Variants in PCDHGB4 observed in about 807,000 individuals in gnomAD.
The protein encoded by PCDHGB4 is protocadherin gamma-B4.
Under a neutral mutation model 60.5 loss-of-function variants are expected in PCDHGB4, and 38 were observed. The observed-to-expected ratio is 0.63, with a 90% CI of 0.48 to 0.82. The LOEUF is 0.82. PCDHGB4 is among the 40% of genes least tolerant of loss of function. The pLI, the probability that PCDHGB4 is intolerant of heterozygous loss-of-function variation, is 0.00. For synonymous variants in PCDHGB4, 456 were observed against 509.7 expected (o/e 0.89, Z 1.42); for missense variants, 1,109 against 1,209.6 (o/e 0.92, Z 1.23).
intron 1 of PCDHGB4, chr5:141,414,601 T>A: frequency 6.2e-7 from 1 of 1,613,944 alleles, no homozygotes; most frequent in Non-Finnish European, 8.5e-7. Flanking sequence ...TGCCTCCATC[T>A]TCTCAGTGAC....
Position 141,427,801 on chromosome 5 carries a change from G to T in PCDHGB4, c.2397+37520G>T, listed in dbSNP as rs755067099. On this transcript the variant is annotated intron_variant, in intron 1 of 3. Coordinates refer to ENST00000519479, the MANE Select transcript of PCDHGB4 (RefSeq NM_003736.4). ...GCACTGTCGTCCTACGTGTCCGTGA[G>T]CGCACAGAGCGGGGTGGTGGTCGCG... 6 of 1,510,138 alleles carry T rather than the reference G, an allele frequency of 4.0e-6. No homozygotes were observed. In the African/African-American group the frequency reaches 8.2e-5, roughly 21 times the overall value. 93.5% of individuals were successfully genotyped at this position (1,510,138 alleles called of 1,614,324 possible). A position where few individuals can be genotyped will look rare whatever the true frequency, so the allele number is the denominator to read the frequency against.
chr5:141,470,972 C>T (rs1186771156), intron 1 of PCDHGB4, among the ~76,000 whole-genome samples: 3 of 151,988 alleles, frequency 2.0e-5, no homozygotes, highest in Non-Finnish European at 4.4e-5. Flanking sequence ...CCACCTCAGC[C>T]TCCCAAAGTG....
At chr5:141,466,993 T>G (rs2099133598) in intron 1 of PCDHGB4, among the ~76,000 whole-genome samples, 1 of 152,148 alleles carries the variant, frequency 6.6e-6, no homozygotes, top group African/African-American at 2.4e-5. Context: ...CCTTTTGGCA[T>G]TTTTTTGCAA....
intron 1 of PCDHGB4, chr5:141,412,489 T>C (rs1292155082): frequency 6.6e-6 from 1 of 152,176 alleles, no homozygotes; most frequent in East Asian, 1.9e-4. Context: ...TCTTACACAA[T>C]CCTAAGCTAA....
intron 1 of PCDHGB4, among the ~76,000 whole-genome samples, chr5:141,492,482 A>G (rs1339196127): frequency 6.6e-6 from 1 of 152,182 alleles, no homozygotes; most frequent in Non-Finnish European, 1.5e-5. Context: ...GCGGCCGCCC[A>G]GGACCAGGCG....
chr5:141,434,506 T>C (rs2154556236), intron 1 of PCDHGB4, among the ~76,000 whole-genome samples: 2 of 152,344 alleles, frequency 1.3e-5, no homozygotes, highest in East Asian at 3.9e-4. Context: ...GGCAGAAAAC[T>C]GCTTAAAGGT....
At chr5:141,427,484 T>C (rs766997973) in intron 1 of PCDHGB4, 7 of 539,726 alleles carry the variant, frequency 1.3e-5, no homozygotes, top group Non-Finnish European at 2.5e-5. Context: ...ATAATGACTA[T>C]AAGCTTGTAA....
intron 1 of PCDHGB4, chr5:141,478,608 G>C (rs751033009): frequency 7.7e-6 from 12 of 1,558,942 alleles, no homozygotes; most frequent in Middle Eastern, 1.7e-4. Context: ...ATCATATTGA[G>C]GAAGGAATGG....
intron 1 of PCDHGB4, chr5:141,393,077 C>T (rs2150506328): frequency 6.2e-7 from 1 of 1,613,710 alleles, no homozygotes; most frequent in Non-Finnish European, 8.5e-7. Flanking sequence ...TCACCGCGGG[C>T]AGGATAGATC....
chr5:141,484,266 T>G (rs2099593967), intron 1 of PCDHGB4, among the ~76,000 whole-genome samples: 1 of 152,220 alleles, frequency 6.6e-6, no homozygotes, highest in Non-Finnish European at 1.5e-5. Flanking sequence ...ACACTGATTC[T>G]TTACTGTTTT....
intron 1 of PCDHGB4, chr5:141,414,308 T>C: frequency 6.2e-7 from 1 of 1,613,764 alleles, no homozygotes; most frequent in Non-Finnish European, 8.5e-7. Context: ...GTGCATGATT[T>C]AGACTCTGAG....
intron 1 of PCDHGB4, chr5:141,391,548 C>T (rs1045663791): frequency 6.6e-6 from 1 of 152,106 alleles, no homozygotes; most frequent in African/African-American, 2.4e-5. Flanking sequence ...ATTGTCTACC[C>T]AGTTTTCCAT....
intron 1 of PCDHGB4, chr5:141,422,736 C>T (rs1408210168): frequency 9.9e-6 from 16 of 1,608,328 alleles, no homozygotes; most frequent in Non-Finnish European, 1.2e-5. Context: ...TGCCTCTGTC[C>T]TCCTATGTCT....
intron 1 of PCDHGB4, chr5:141,428,501 C>A (rs970043746): frequency 8.4e-5 from 24 of 285,544 alleles, no homozygotes; most frequent in African/African-American, 3.9e-4. Context: ...TATGTTCCCT[C>A]GGATTCTAGA....
chr5:141,456,275 G>A (rs1234663731), intron 1 of PCDHGB4, among the ~76,000 whole-genome samples: 1 of 152,142 alleles, frequency 6.6e-6, no homozygotes, highest in Non-Finnish European at 1.5e-5. Flanking sequence ...GCTACTTCCT[G>A]CTGAAAAGGG....
rs1054012796 is a variant in PCDHGB4 at position 141,420,071 on chromosome 5, G to C, written c.2397+29790G>C. The C allele has an allele frequency of 6.2e-7, 1 of 1,614,050 alleles. No individual in the cohort carries two copies. On this transcript the variant is annotated intron_variant, in intron 1 of 3. Coordinates refer to ENST00000519479, the MANE Select transcript of PCDHGB4 (RefSeq NM_003736.4). ...AGTTCTCTGCTCCAAGTCCGGACCT[G>C]TGGGTCCCCCCAACTACAGTGAGGG...
At position 141,389,935 on chromosome 5, in the gene PCDHGB4, C is replaced by G. The variant is rs1212194328; in HGVS notation, c.2051C>G (p.Ala684Gly). 6.2e-7 allele frequency: 1 copy of G among 1,613,966 alleles called. No homozygotes were observed. The highest frequency in any genetic ancestry group is 8.5e-7 in the Non-Finnish European group (1 of 1,179,904). Residue 684 changes from alanine to glycine, a missense_variant, in exon 1 of 4, where the codon GCT (alanine) becomes GGT (glycine). Ala to Gly is a moderately conservative substitution (Grantham distance 60). Transcript: ENST00000519479. Reference sequence around the variant, plus strand: ...CGCCCCGACCCCTCTGACCTCCAGGCTGAGCTGCAGTTTTACCTAGTGGTG... The same window carrying G: ...CGCCCCGACCCCTCTGACCTCCAGGGTGAGCTGCAGTTTTACCTAGTGGTG... ...TDRPDPSDLQ[A>G]ELQFYLVVAL...
Position 141,393,720 on chromosome 5 carries a change from A to T in PCDHGB4, c.2397+3439A>T, listed in dbSNP as rs371093729. ...TAATGAAAATACTGGGGAAATATCA[A>T]TAGCAAAAAGTCTAGATTATGAAGA... On this transcript the variant is annotated intron_variant, in intron 1 of 3. Transcript: ENST00000519479. 5.0e-6 allele frequency: 8 copies of T among 1,613,888 alleles called. No homozygotes were observed. The South Asian group carries it at 8.8e-5, about 18-fold the overall frequency.
chr5:141,497,730 G>T (rs13182286), intron 2 of PCDHGB4, among the ~76,000 whole-genome samples: 247 of 152,136 alleles, frequency 1.6e-3, no homozygotes, highest in Non-Finnish European at 2.8e-3. Flanking sequence ...AGTAGAGATG[G>T]GTTTCGCCAC....
Sources: gnomAD v4.1 joint callset for allele counts (sites outside exome capture counted in the v4.1 genomes callset) on GRCh38, gnomAD v4.1.1 for gene constraint, MANE v1.5 for transcripts, NCBI Gene and HGNC (gene_info 2026-07-23, HGNC 2026-07-21) for gene names.